ACBD6: variants seen among roughly 807,000 people sequenced by gnomAD.
The protein encoded by ACBD6 is acyl-CoA-binding domain-containing protein 6.
In ACBD6, 28 loss-of-function variants were observed where a neutral mutation model predicts 37.2. The ratio of observed to expected loss-of-function variants is 0.75; its 90% CI spans 0.56 to 1.03. ACBD6 has a LOEUF of 1.03. Ranked by LOEUF, ACBD6 falls within the 50% of genes least tolerant of loss-of-function variation. The pLI, the probability that ACBD6 is intolerant of heterozygous loss-of-function variation, is 0.00. For missense variants in ACBD6, 340 were observed against 337.4 expected, an observed-to-expected ratio of 1.01 and a Z score of -0.06; for synonymous variants, 113 against 126.8, an observed-to-expected ratio of 0.89 and a Z score of 0.73.
At chr1:180,388,781 A>C (rs898624460) in intron 6 of ACBD6, among the ~76,000 whole-genome samples, 2 of 152,198 alleles carry the variant, frequency 1.3e-5, no homozygotes, top group Non-Finnish European at 2.9e-5. Flanking sequence ...ATGAACAATC[A>C]GAAAAGGAAA....
Position 180,502,384 on chromosome 1 carries a change from C to T in ACBD6, c.-118G>A, listed in dbSNP as rs1652023425. ...CGCGAGCCTGAGCTCCAGTCGGACC[C>T]AAGCTCAGTCGCGGCGCGCTCCCTC... On this transcript the variant is annotated 5_prime_UTR_variant, in exon 1 of 8. Coordinates refer to ENST00000367595, the MANE Select transcript of ACBD6 (RefSeq NM_032360.4). 1.8e-6 allele frequency: 2 copies of T among 1,139,404 alleles called. No individual in the cohort carries two copies. The highest frequency in any genetic ancestry group is 2.6e-6 in the Non-Finnish European group (2 of 774,596). The allele number at this position is 1,139,404 out of a possible 1,614,324, so 70.6% of individuals were successfully genotyped here.
intron 3 of ACBD6, among the ~76,000 whole-genome samples, chr1:180,479,125 C>G (rs1037031839): frequency 1.4e-4 from 22 of 152,174 alleles, no homozygotes; most frequent in African/African-American, 5.3e-4. Context: ...ACAGCAAGAC[C>G]TTGTCTCTAA....
Position 180,493,247 on chromosome 1 carries a change from CAAAAAAAAA to C in ACBD6, c.288-891_288-883del, listed in dbSNP as rs71121023. On this transcript the variant is annotated intron_variant, in intron 2 of 7. Coordinates refer to ENST00000367595, the MANE Select transcript of ACBD6 (RefSeq NM_032360.4). ...TGGGCAACAGAGCAAAATTCTGTCT[CAAAAAAAAA>C]AAAAAAAAAAAAAAAAAAAAAACAA... Among the ~76,000 whole-genome samples the C allele has an allele frequency of 1.6e-3, 76 of 47,786 alleles. 1 individual carries two copies. Among genetic ancestry groups the C allele is most frequent in the African/African-American group, 8.1e-3 (69 of 8,558 alleles). 31.3% of individuals were successfully genotyped at this position (47,786 alleles called of 152,430 possible).
chr1:180,435,924 GC>G (rs1452646456), intron 3 of ACBD6: 6 of 1,365,664 alleles, frequency 4.4e-6, no homozygotes, highest in Non-Finnish European at 6.3e-6. Context: ...CTTGGTTTAG[GC>G]CTGGAATTTC....
rs1648534639 is a variant in ACBD6 at position 180,425,239 on chromosome 1, C to CA, written c.467+4940dup. Among the ~76,000 whole-genome samples the CA allele has an allele frequency of 2.0e-5, 3 of 152,268 alleles. 1 individual carries two copies. In the South Asian group the frequency reaches 6.2e-4, roughly 32 times the overall value. ...CACCAAAGACAAACCTTTGCTTTCT[C>CA]AATTATTTATGCCAGCTGAGGTTTT... On this transcript the variant is annotated intron_variant, in intron 4 of 7. Coordinates refer to ENST00000367595, the MANE Select transcript of ACBD6 (RefSeq NM_032360.4).
At chr1:180,364,898 T>TAA in intron 6 of ACBD6, among the ~76,000 whole-genome samples, 1 of 152,154 alleles carries the variant, frequency 6.6e-6, no homozygotes, top group African/African-American at 2.4e-5. Context: ...AACGCCTGGC[T>TAA]AATTTTCTGT....
At chr1:180,418,517 T>TA (rs1648195170) in intron 4 of ACBD6, among the ~76,000 whole-genome samples, 1 of 151,838 alleles carries the variant, frequency 6.6e-6, no homozygotes, top group East Asian at 1.9e-4. Context: ...AGTTTGAGGT[T>TA]ACAGTGAGCT....
At chr1:180,341,533 GATATAA>G (rs757885116) in intron 6 of ACBD6, among the ~76,000 whole-genome samples, 3 of 151,978 alleles carry the variant, frequency 2.0e-5, no homozygotes, top group Non-Finnish European at 2.9e-5. Context: ...GTTCCATCAG[GATATAA>G]ATATGCTGCT....
chr1:180,271,945 G>A (rs1648692704), exon 14 of ACBD6: 1 of 1,613,426 alleles, frequency 6.2e-7, no homozygotes, highest in Non-Finnish European at 8.5e-7. Flanking sequence ...GCAGCAGCAA[G>A]CAGGAGAAGG....
intron 3 of ACBD6, among the ~76,000 whole-genome samples, chr1:180,466,067 T>C (rs1300847000): frequency 6.6e-6 from 1 of 152,112 alleles, no homozygotes; most frequent in African/African-American, 2.4e-5. Flanking sequence ...CTGAGTGATG[T>C]AATAATATGT....
At chr1:180,431,784 A>G (rs1229248535) in intron 3 of ACBD6, among the ~76,000 whole-genome samples, 4 of 152,200 alleles carry the variant, frequency 2.6e-5, no homozygotes, top group African/African-American at 9.6e-5. Context: ...AAAAAAATAG[A>G]GATAGAACCA....
exon 14 of ACBD6, chr1:180,271,239 A>T: frequency 1.1e-6 from 1 of 907,780 alleles, no homozygotes; most frequent in Non-Finnish European, 1.8e-6. Context: ...GGACCTCTCC[A>T]CTCTGATGTC....
chr1:180,491,937 G>A (rs571147398), intron 3 of ACBD6, among the ~76,000 whole-genome samples: 1 of 152,258 alleles, frequency 6.6e-6, no homozygotes, highest in East Asian at 1.9e-4. Flanking sequence ...AGCTTCCTGA[G>A]TAGCTGGGAT....
chr1:180,417,613 T>C (rs1171901038), intron 4 of ACBD6, among the ~76,000 whole-genome samples: 1 of 152,212 alleles, frequency 6.6e-6, no homozygotes, highest in Middle Eastern at 3.2e-3. Flanking sequence ...GTCCCTTTGG[T>C]AAGCAAACAA....
chr1:180,383,069 G>A (rs184126655), intron 6 of ACBD6, among the ~76,000 whole-genome samples: 3 of 152,162 alleles, frequency 2.0e-5, no homozygotes, highest in Admixed American at 1.3e-4. Context: ...TATGACAAAC[G>A]CACAGCTAAC....
At chr1:180,410,307 G>A (rs953784876) in intron 5 of ACBD6, among the ~76,000 whole-genome samples, 5 of 152,324 alleles carry the variant, frequency 3.3e-5, no homozygotes, top group Middle Eastern at 3.4e-3. Flanking sequence ...TAAAGTAACC[G>A]ATAAAGGTGA....
At chr1:180,358,098 T>C (rs1470117409) in intron 6 of ACBD6, among the ~76,000 whole-genome samples, 1 of 152,192 alleles carries the variant, frequency 6.6e-6, no homozygotes. Context: ...ACATTCTACA[T>C]GTCTGCAACT....
At chr1:180,448,738 C>T (rs965000312) in intron 3 of ACBD6, among the ~76,000 whole-genome samples, 4 of 152,196 alleles carry the variant, frequency 2.6e-5, no homozygotes, top group African/African-American at 7.2e-5. Context: ...ATCTGCCATT[C>T]TCAAGATAGT....
intron 3 of ACBD6, among the ~76,000 whole-genome samples, chr1:180,487,463 A>G: frequency 6.6e-6 from 1 of 152,206 alleles, no homozygotes; most frequent in Non-Finnish European, 1.5e-5. Context: ...CCTTTTGTCT[A>G]GCCAGTATAG....
Sources: gnomAD v4.1 joint callset for allele counts (sites outside exome capture counted in the v4.1 genomes callset) on GRCh38, gnomAD v4.1.1 for gene constraint, MANE v1.5 for transcripts, NCBI Gene and HGNC (gene_info 2026-07-23, HGNC 2026-07-21) for gene names.